Variants in PARP15 observed in about 807,000 individuals in gnomAD.
PARP15 encodes protein mono-ADP-ribosyltransferase PARP15.
A neutral mutation model predicts 62.1 loss-of-function variants in PARP15; 50 were observed. That is an observed-to-expected ratio of 0.81 (90% confidence interval 0.64 to 1.02). The LOEUF is 1.02. PARP15 is among the 50% of genes least tolerant of loss of function. The pLI is 0.00. For missense variants in PARP15, 820 were observed against 826.5 expected (o/e 0.99, Z 0.10); for synonymous variants, 309 against 293.1 (o/e 1.05, Z -0.55).
At position 122,636,041 on chromosome 3, in the gene PARP15, T is replaced by C; in HGVS notation, c.1978T>C (p.Phe660Leu). 1.2e-6 allele frequency: 2 copies of C among 1,614,094 alleles called. No individual in the cohort carries two copies. The highest frequency in any genetic ancestry group is 1.7e-6 in the Non-Finnish European group (2 of 1,179,966). Reference protein sequence around the residue: ...VTNNTRSPKLFVVFFDNQAYP... With the variant: ...VTNNTRSPKLLVVFFDNQAYP... ...AAACAATACACGATCTCCAAAGCTATTTGTGGTATTCTTTGATAATCAGGC... is the reference window on the plus strand; with the variant it reads ...AAACAATACACGATCTCCAAAGCTACTTGTGGTATTCTTTGATAATCAGGC... The change falls in exon 12 of 12, where the codon TTT (phenylalanine) becomes CTT (leucine). Residue 660 changes from phenylalanine (F) to leucine (L), a missense_variant. Phe to Leu is a conservative substitution (Grantham distance 22, BLOSUM62 0). Transcript: ENST00000464300.
intron 1 of PARP15, among the ~76,000 whole-genome samples, chr3:122,578,939 C>A (rs2080741769): frequency 6.6e-6 from 1 of 152,164 alleles, no homozygotes; most frequent in Non-Finnish European, 1.5e-5. Flanking sequence ...ATTGTAGATA[C>A]TGGTACTTCA....
In PARP15 at chr3:122,594,545, AG is replaced by A. The variant is rs894992856; in HGVS notation, c.187-11388del. On this transcript the variant is annotated intron_variant, in intron 1 of 11. Transcript: ENST00000464300. ...CATTGTTAAAGATTGCTGTGTATTC[AG>A]GGTAGGCAACGTAGGGTAAGTTGAA... The A allele has an allele frequency of 7.1e-6, 7 of 983,132 alleles. No individual in the cohort carries two copies. The Admixed American group carries it at 3.7e-4, about 52-fold the overall frequency. The allele number at this position is 983,132 out of a possible 1,614,324, so 60.9% of individuals were successfully genotyped here. A position where few individuals can be genotyped will look rare whatever the true frequency, so the allele number is the denominator to read the frequency against.
At chr3:122,625,428 A>C (rs1407529219) in intron 8 of PARP15, among the ~76,000 whole-genome samples, 1 of 151,894 alleles carries the variant, frequency 6.6e-6, no homozygotes, top group Non-Finnish European at 1.5e-5. Context: ...TAATTTTTGT[A>C]TTTTTAGTGG....
At position 122,636,118 on chromosome 3, in the gene PARP15, AAG is replaced by A. The variant is rs1309929015; in HGVS notation, c.*22_*23del. The A allele has an allele frequency of 1.9e-6, 3 of 1,593,176 alleles. No individual in the cohort carries two copies. The highest frequency in any genetic ancestry group is 2.6e-6 in the Non-Finnish European group (3 of 1,165,062). On this transcript the variant is annotated 3_prime_UTR_variant, in exon 12 of 12. Coordinates refer to ENST00000464300, the MANE Select transcript of PARP15 (RefSeq NM_001113523.3). ...CGGCTTAAAAATATTTTTATCATCA[AAG>A]AGATGATTTAAGTCATCTGTAAGAA...
At chr3:122,635,686 T>C (rs1212126588) in intron 11 of PARP15, 125 bp from the exon 12 acceptor site, 1 of 1,084,710 alleles carries the variant, frequency 9.2e-7, no homozygotes, top group Non-Finnish European at 1.3e-6. Context: ...GTGTTGGGAT[T>C]ACAGGCATGA....
chr3:122,600,553 A>C (rs1379094524), intron 1 of PARP15, among the ~76,000 whole-genome samples: 1 of 152,084 alleles, frequency 6.6e-6, no homozygotes, highest in Non-Finnish European at 1.5e-5. Flanking sequence ...CAAGTTAAAG[A>C]TTCTCATTCC....
chr3:122,612,951 G>C (rs934028695), intron 3 of PARP15, 90 bp from the exon 4 acceptor site: 1 of 1,122,360 alleles, frequency 8.9e-7, no homozygotes, highest in Non-Finnish European at 1.3e-6. Context: ...ATAGCAGAGA[G>C]GTCCTTGTCA....
rs1293809174 is a variant in PARP15, at chr3:122,610,489, T to C, written c.307-5T>C. ...CAATCTCTAACTGTTGCTATTTTCG[T>C]TAAGGCCGATGTCATTGTCAACAGC... On this transcript the variant is annotated splice_polypyrimidine_tract_variant and splice_region_variant and intron_variant, in intron 2 of 11. Coordinates refer to ENST00000464300, the MANE Select transcript of PARP15 (RefSeq NM_001113523.3). The C allele has an allele frequency of 1.9e-6, 3 of 1,547,246 alleles. No homozygotes were observed. The highest frequency in any genetic ancestry group is 2.6e-6 in the Non-Finnish European group (3 of 1,145,554).
rs953060652 is a variant in PARP15 at position 122,605,851 on chromosome 3, G to A, written c.187-85G>A. ...CCCACCTAGTCTTCCAAAGTGCTGA[G>A]ATTACAGACCTGAGCCACCGCACCT... On this transcript the variant is annotated intron_variant, in intron 1 of 11. Transcript: ENST00000464300. 1.1e-5 allele frequency: 16 copies of A among 1,409,914 alleles called. No individual in the cohort carries two copies. The Admixed American group carries it at 3.4e-4, about 30-fold the overall frequency. 87.3% of individuals were successfully genotyped at this position (1,409,914 alleles called of 1,614,324 possible). A position where few individuals can be genotyped will look rare whatever the true frequency, so the allele number is the denominator to read the frequency against.
chr3:122,619,397 A>AACT (rs778029138), intron 6 of PARP15, among the ~76,000 whole-genome samples: 38 of 152,232 alleles, frequency 2.5e-4, no homozygotes, highest in Admixed American at 9.2e-4. Context: ...AGAACTTAGT[A>AACT]AAGTGCTTGA....
At position 122,621,510 on chromosome 3, in the gene PARP15, A is replaced by C; in HGVS notation, c.1130A>C (p.His377Pro). The C allele has an allele frequency of 6.2e-7, 1 of 1,613,922 alleles. No homozygotes were observed. Among genetic ancestry groups the C allele is most frequent in the Non-Finnish European group, 8.5e-7 (1 of 1,179,878 alleles). Residue 377 changes from histidine (H) to proline (P), a missense_variant, in exon 8 of 12, where the codon CAT becomes CCT. His to Pro is a moderately conservative substitution (Grantham distance 77). Transcript: ENST00000464300. ...TGCTTAAAGTGCAAAATAATAATTCATGTTCCTGGGGGAAAAGATGTCAGG... is the reference window on the plus strand; with the variant it reads ...TGCTTAAAGTGCAAAATAATAATTCCTGTTCCTGGGGGAAAAGATGTCAGG... ...GGCLKCKIII[H>P]VPGGKDVRKT... is the part of the protein sequence containing the mutation.
chr3:122,584,016 T>C (rs6788055), intron 1 of PARP15, among the ~76,000 whole-genome samples: 7 of 34,394 alleles, frequency 2.0e-4, no homozygotes, highest in Non-Finnish European at 6.1e-4. Context: ...CTCCATGTGG[T>C]AAGCCTATGT....
intron 8 of PARP15, among the ~76,000 whole-genome samples, chr3:122,623,551 A>T (rs779283055): frequency 1.1e-4 from 17 of 152,212 alleles, no homozygotes; most frequent in Non-Finnish European, 2.4e-4. Flanking sequence ...AGGGCAGAAA[A>T]GTCAGCAAAA....
At position 122,591,543 on chromosome 3, in the gene PARP15, A is replaced by G. The variant is rs1209798545; in HGVS notation, c.186+13690A>G. ...TTTGGGAGGCCGAGGCGGGCAGATCACGAGGTGAGGAAATCAAGACCATCC... is the reference window on the plus strand; with the variant it reads ...TTTGGGAGGCCGAGGCGGGCAGATCGCGAGGTGAGGAAATCAAGACCATCC... On this transcript the variant is annotated intron_variant, in intron 1 of 11. Transcript: ENST00000464300. Among the ~76,000 whole-genome samples, 5 of 152,302 alleles carry G rather than the reference A, an allele frequency of 3.3e-5. No homozygotes were observed. The East Asian group carries it at 9.6e-4, about 29-fold the overall frequency.
At chr3:122,624,150 C>CA (rs1434530477) in intron 8 of PARP15, among the ~76,000 whole-genome samples, 1 of 138,250 alleles carries the variant, frequency 7.2e-6, no homozygotes, top group Non-Finnish European at 1.6e-5. Context: ...GACTCTATCT[C>CA]GGAAAAAAAA....
chr3:122,629,596 G>T (rs940327007), intron 9 of PARP15, among the ~76,000 whole-genome samples: 3 of 152,106 alleles, frequency 2.0e-5, no homozygotes, highest in African/African-American at 7.2e-5. Flanking sequence ...TTATGAAGGG[G>T]GTGGTTTCAG....
chr3:122,622,826 G>T (rs1576536945), intron 8 of PARP15, among the ~76,000 whole-genome samples: 2 of 152,234 alleles, frequency 1.3e-5, no homozygotes, highest in South Asian at 4.1e-4. Context: ...TCTCATGGAA[G>T]TGAGGGCTTC....
intron 2 of PARP15, 102 bp from the exon 3 acceptor site, chr3:122,610,392 A>G: frequency 9.1e-7 from 1 of 1,100,390 alleles, no homozygotes; most frequent in East Asian, 2.6e-5. Flanking sequence ...TATGACAGGC[A>G]AAACATATCT....
chr3:122,606,086 G>T (rs905109558), intron 2 of PARP15, 31 bp downstream of exon 2: 1 of 1,541,212 alleles, frequency 6.5e-7, no homozygotes, highest in Non-Finnish European at 8.8e-7. Context: ...AATCTACCAA[G>T]GAACAGTGGG....
Sources: allele counts gnomAD v4.1 joint callset (sites outside exome capture counted in the v4.1 genomes callset), GRCh38; gene constraint gnomAD v4.1.1; transcripts MANE v1.5; gene names NCBI Gene and HGNC (gene_info 2026-07-23, HGNC 2026-07-21).